Variants in SCAF11 observed in about 807,000 individuals in gnomAD.
The protein encoded by SCAF11 is SR-related CTD associated factor 11.
A neutral mutation model predicts 140.5 loss-of-function variants in SCAF11; 47 were observed. That is an observed-to-expected ratio of 0.33 (90% CI 0.26 to 0.43). The LOEUF (loss-of-function observed/expected upper bound fraction) is 0.43, where lower values mean the gene tolerates loss of function less well. Among genes scored for constraint, SCAF11 ranks in the 20% least tolerant of loss-of-function variants. SCAF11 has a pLI of 1.00. For synonymous variants in SCAF11, 557 were observed against 579.4 expected (o/e 0.96, Z 0.55); for missense variants, 1,645 against 1,705.1 (o/e 0.96, Z 0.62).
chr12:45,926,883 T>C lies in SCAF11; in HGVS notation c.2818A>G (p.Arg940Gly), dbSNP rs1172786065. 6.2e-7 allele frequency: 1 copy of C among 1,613,892 alleles called. No individual in the cohort carries two copies. The highest frequency in any genetic ancestry group is 1.7e-5 in the Admixed American group (1 of 60,028). The change falls in exon 11 of 15, where the codon AGG (arginine) becomes GGG (glycine). Residue 940 changes from arginine to glycine, a missense_variant. Physicochemically the swap from Arg to Gly is moderately radical, Grantham distance 125 (BLOSUM62 -2). Coordinates refer to ENST00000369367, the MANE Select transcript of SCAF11 (RefSeq NM_004719.3). ...RKWSRSRSHS[R>G]SPSRCRTKSK... ...TTTGTTCTACATCTTGAGGGGGACC[T>C]AGAATGAGATCTGGACCTAGACCAC...
rs199957427 is a variant in SCAF11 at position 45,926,127 on chromosome 12, A to G, written c.3559+15T>C. 4.5e-6 allele frequency: 7 copies of G among 1,569,904 alleles called. No homozygotes were observed. Among genetic ancestry groups the G allele is most frequent in the African/African-American group, 1.4e-5 (1 of 73,238 alleles). ...CAAATAAAACAGTATCAATAAACCA[A>G]CAAGAATACATTACCCTGTCCAGAT... On this transcript the variant is annotated intron_variant, in intron 11 of 14. Coordinates refer to ENST00000369367, the MANE Select transcript of SCAF11 (RefSeq NM_004719.3).
chr12:45,962,566 CATAAGAAA>C (rs766958663), intron 2 of SCAF11, among the ~76,000 whole-genome samples: 4 of 152,058 alleles, frequency 2.6e-5, no homozygotes, highest in Non-Finnish European at 4.4e-5. Context: ...ATCGCTGGCT[CATAAGAAA>C]ATAATAGATA....
At chr12:45,963,780 C>T (rs746870694) in intron 2 of SCAF11, among the ~76,000 whole-genome samples, 1 of 152,106 alleles carries the variant, frequency 6.6e-6, no homozygotes, top group African/African-American at 2.4e-5. Flanking sequence ...ATTAAATTAG[C>T]TTTAGAAGCA....
chr12:45,927,984 CA>C lies in SCAF11; in HGVS notation c.1716del (p.Glu573ArgfsTer3). On this transcript the variant is annotated frameshift_variant, in exon 11 of 15. Transcript: ENST00000369367. LOFTEE classifies it high-confidence loss of function. ...QPVSCPLSDL[S>X]ENVESVVNEE... ...TCATTAACCACTGACTCTACATTCT[CA>C]GATAAGTCACTTAGGGGACAAGATA... The C allele has an allele frequency of 6.2e-7, 1 of 1,613,144 alleles. No homozygotes were observed. The highest frequency in any genetic ancestry group is 8.5e-7 in the Non-Finnish European group (1 of 1,179,986).
intron 3 of SCAF11, among the ~76,000 whole-genome samples, chr12:45,954,419 T>C (rs1353006928): frequency 1.3e-5 from 2 of 151,960 alleles, no homozygotes; most frequent in African/African-American, 4.8e-5. Context: ...GTATTTTTCA[T>C]AGAGATGGGG....
intron 10 of SCAF11, chr12:45,929,062 A>G: frequency 2.9e-6 from 1 of 347,264 alleles, no homozygotes; most frequent in Admixed American, 4.6e-5. Context: ...GAAATAAGTT[A>G]TAACTAGATT....
intron 1 of SCAF11, among the ~76,000 whole-genome samples, chr12:45,972,355 GAGGACTGCTTAAAGCT>G (rs1288301971): frequency 6.6e-6 from 1 of 152,060 alleles, no homozygotes; most frequent in Non-Finnish European, 1.5e-5. Context: ...GTCAAGATGG[GAGGACTGCTTAAAGCT>G]AGTAGTTAGA....
chr12:45,929,098 G>T, intron 10 of SCAF11: 1 of 198,004 alleles, frequency 5.1e-6, no homozygotes, highest in Non-Finnish European at 9.6e-6. Context: ...ATTTTATAGA[G>T]AAAAAAAAAA....
chr12:45,933,292 T>C, intron 8 of SCAF11, 60 bp from the exon 9 acceptor site: 2 of 1,208,288 alleles, frequency 1.7e-6, no homozygotes. Context: ...AAAAAAACAA[T>C]TAGGTTGTAC....
At chr12:45,969,662 G>A (rs1946029410) in intron 1 of SCAF11, among the ~76,000 whole-genome samples, 1 of 152,200 alleles carries the variant, frequency 6.6e-6, no homozygotes, top group East Asian at 1.9e-4. Context: ...TAAAGCAAAT[G>A]CAAGGACTAA....
intron 1 of SCAF11, among the ~76,000 whole-genome samples, chr12:45,985,872 AT>A (rs1565697146): frequency 6.6e-6 from 1 of 152,000 alleles, no homozygotes; most frequent in Admixed American, 6.6e-5. Context: ...ACTCAACAGA[AT>A]TTTTTTTAGT....
At chr12:45,940,529 T>C (rs1050537424) in intron 6 of SCAF11, among the ~76,000 whole-genome samples, 1 of 152,182 alleles carries the variant, frequency 6.6e-6, no homozygotes, top group South Asian at 2.1e-4. Context: ...GTGGCTCCAA[T>C]TATTAGCAAT....
Position 45,945,290 on chromosome 12 carries a change from T to A in SCAF11, c.422A>T (p.Asp141Val), listed in dbSNP as rs1279323263. ...CIRRKAIVRE[D>V]LLSAKVCDLK... The stretch of plus-strand genomic sequence containing the variant: ...GTCACAAACTTTTGCACTTAATAGA[T>A]CTTCTCTTACGATGGCTTTTCTTCT... The change falls in exon 6 of 15, where the codon GAT becomes GTT. Residue 141 changes from aspartate (D) to valine (V), a missense_variant. Around this residue, in one of 2 missense-constraint regions of SCAF11, gnomAD observed 1,582 missense variants for 1,609.2 expected, o/e 0.98. Coordinates refer to ENST00000369367, the MANE Select transcript of SCAF11 (RefSeq NM_004719.3). 1.3e-6 allele frequency: 2 copies of A among 1,579,424 alleles called. No homozygotes were observed. Among genetic ancestry groups the A allele is most frequent in the South Asian group, 1.2e-5 (1 of 86,202 alleles).
intron 6 of SCAF11, among the ~76,000 whole-genome samples, chr12:45,938,358 G>A (rs977716361): frequency 1.3e-5 from 2 of 151,928 alleles, no homozygotes; most frequent in Admixed American, 6.6e-5. Flanking sequence ...GCATGATGGC[G>A]GGCACCTGTA....
chr12:45,964,123 C>G lies in SCAF11; in HGVS notation c.45G>C (p.Lys15Asn), dbSNP rs746992379. The G allele has an allele frequency of 6.5e-7, 1 of 1,528,338 alleles. No homozygotes were observed. The highest frequency in any genetic ancestry group is 2.3e-5 in the East Asian group (1 of 44,274). 94.7% of individuals were successfully genotyped at this position (1,528,338 alleles called of 1,614,324 possible). A position where few individuals can be genotyped will look rare whatever the true frequency, so the allele number is the denominator to read the frequency against. ...AAAAGTTACCTTCCATGTCTTCATA[C>G]TTCTTATCTCCCATATTTAGGGTAC... is the stretch of plus-strand genomic sequence containing the variant. ...TVCTLNMGDK[K>N]YEDMEGEENG... The change falls in exon 2 of 15, where the codon AAG becomes AAC. Residue 15 changes from lysine (K) to asparagine (N), a missense_variant. Coordinates refer to ENST00000369367, the MANE Select transcript of SCAF11 (RefSeq NM_004719.3).
chr12:45,932,202 C>T (rs771777187), intron 9 of SCAF11, among the ~76,000 whole-genome samples: 1 of 152,084 alleles, frequency 6.6e-6, no homozygotes, highest in Non-Finnish European at 1.5e-5. Flanking sequence ...TAAAATTCCT[C>T]GACCTGGTGA....
chr12:45,961,280 G>C (rs1306340480), intron 3 of SCAF11: 1 of 714,770 alleles, frequency 1.4e-6, no homozygotes, highest in Non-Finnish European at 2.6e-6. Context: ...TATTCCACAA[G>C]GCTGATATAA....
chr12:45,924,829 G>A lies in SCAF11; in HGVS notation c.3805C>T (p.Pro1269Ser), dbSNP rs142888739. Residue 1269 changes from proline (P) to serine (S), a missense_variant, in exon 12 of 15, where the codon CCT (proline) becomes TCT (serine). Pro to Ser is a moderately conservative substitution (Grantham distance 74). This residue lies in a region of SCAF11 where 1,582 missense variants were observed against 1,609.2 expected (regional missense o/e 0.98). Transcript: ENST00000369367. Reference sequence around the variant, plus strand: ...GGTAGTCCCTGAGATACACTGGTAGGAGTGGCTACCTGCATGAGGGGCACT... The same window carrying A: ...GGTAGTCCCTGAGATACACTGGTAGAAGTGGCTACCTGCATGAGGGGCACT... ...TGVPLMQVAT[P>S]TSVSQGLPPP... 4.3e-5 allele frequency: 69 copies of A among 1,614,068 alleles called. No individual in the cohort carries two copies. The African/African-American group carries it at 8.4e-4, about 20-fold the overall frequency.
rs370528229 is a variant in SCAF11 at position 45,926,806 on chromosome 12, C to T, written c.2895G>A (p.Arg965=). The change falls in exon 11 of 15, where the codon CGG becomes CGA. Residue 965 remains arginine, a synonymous_variant. Coordinates refer to ENST00000369367, the MANE Select transcript of SCAF11 (RefSeq NM_004719.3). ...GRIDRDSYSP[R]WKGRWANDGW... is the part of the protein sequence containing the mutation. ...CATCATTTGCCCATCTTCCCTTCCA[C>T]CGGGGAGAGTAACTATCTCTGTCAA... is the stretch of plus-strand genomic sequence containing the variant. The T allele has an allele frequency of 6.2e-7, 1 of 1,614,142 alleles. No individual in the cohort carries two copies. The highest frequency in any genetic ancestry group is 8.5e-7 in the Non-Finnish European group (1 of 1,180,018).
Sources: allele counts gnomAD v4.1 joint callset (sites outside exome capture counted in the v4.1 genomes callset), GRCh38; gene constraint gnomAD v4.1.1; regional missense constraint gnomAD v4.1.1; transcripts MANE v1.5; gene names NCBI Gene and HGNC (gene_info 2026-07-23, HGNC 2026-07-21).